Variants in C3orf20 observed in about 807,000 individuals in gnomAD.
The protein encoded by C3orf20 is uncharacterized protein C3orf20.
Under a neutral mutation model 88.3 loss-of-function variants are expected in C3orf20, and 76 were observed. The observed-to-expected ratio is 0.86, with a 90% CI of 0.72 to 1.04. The LOEUF (loss-of-function observed/expected upper bound fraction) is 1.04, where lower values mean the gene tolerates loss of function less well. Ranked by LOEUF, C3orf20 falls within the 50% of genes least tolerant of loss-of-function variation. The pLI is 0.00. For synonymous variants in C3orf20, 436 were observed against 437.4 expected (o/e 1.00, Z 0.04); for missense variants, 1,056 against 1,123.3 (o/e 0.94, Z 0.86).
intron 4 of C3orf20, among the ~76,000 whole-genome samples, chr3:14,688,970 CT>C (rs766980581): frequency 1.2e-4 from 18 of 152,050 alleles, no homozygotes; most frequent in Non-Finnish European, 1.5e-4. Context: ...GGTTTCCAGG[CT>C]TTTTGTTATT....
chr3:14,699,200 A>G (rs1200713667), intron 5 of C3orf20, among the ~76,000 whole-genome samples: 1 of 152,134 alleles, frequency 6.6e-6, no homozygotes, highest in African/African-American at 2.4e-5. Context: ...CTGAGAGCCA[A>G]GGCCTGGAAT....
chr3:14,732,712 A>C (rs1032226271), intron 12 of C3orf20, among the ~76,000 whole-genome samples: 15 of 152,256 alleles, frequency 9.9e-5, no homozygotes, highest in African/African-American at 3.1e-4. Context: ...AAACAGCTCC[A>C]CATTACAAAG....
At chr3:14,691,303 A>C (rs2032719645) in intron 5 of C3orf20, among the ~76,000 whole-genome samples, 1 of 152,140 alleles carries the variant, frequency 6.6e-6, no homozygotes, top group Admixed American at 6.6e-5. Flanking sequence ...ACCCCATTGC[A>C]TGTGCGCCTG....
At chr3:14,718,078 T>G (rs1056008387) in intron 9 of C3orf20, among the ~76,000 whole-genome samples, 2 of 152,162 alleles carry the variant, frequency 1.3e-5, no homozygotes, top group African/African-American at 4.8e-5. Context: ...TAAATTTGTT[T>G]CACCAAATTT....
At chr3:14,696,177 G>T (rs2032990430) in intron 5 of C3orf20, among the ~76,000 whole-genome samples, 1 of 149,164 alleles carries the variant, frequency 6.7e-6, no homozygotes. Flanking sequence ...AGGTTACCAT[G>T]AGGCTTGCAA....
At chr3:14,708,456 G>C (rs897340989) in intron 7 of C3orf20, among the ~76,000 whole-genome samples, 5 of 150,838 alleles carry the variant, frequency 3.3e-5, no homozygotes, top group African/African-American at 1.2e-4. Context: ...AAATAAGGTA[G>C]TGTGAGTCCT....
At chr3:14,753,244 A>G (rs907183940) in intron 12 of C3orf20, among the ~76,000 whole-genome samples, 1 of 152,196 alleles carries the variant, frequency 6.6e-6, no homozygotes, top group Non-Finnish European at 1.5e-5. Context: ...AAAGACAGAA[A>G]ACCAAACACC....
At chr3:14,686,896 A>C (rs900917646) in intron 4 of C3orf20, among the ~76,000 whole-genome samples, 44 of 152,204 alleles carry the variant, frequency 2.9e-4, no homozygotes, top group African/African-American at 1.0e-3. Context: ...ATGGTCAGAG[A>C]TTAAACATCT....
In C3orf20 at chr3:14,761,507, G is replaced by C. The variant is rs199580399; in HGVS notation, c.2387G>C (p.Arg796Pro). The C allele has an allele frequency of 6.2e-7, 1 of 1,614,020 alleles. No homozygotes were observed. The highest frequency in any genetic ancestry group is 1.1e-5 in the South Asian group (1 of 91,070). The change falls in exon 15 of 17, where the codon CGT becomes CCT. Residue 796 changes from arginine (R) to proline (P), a missense_variant. Physicochemically the swap from Arg to Pro is moderately radical, Grantham distance 103. Coordinates refer to ENST00000253697, the MANE Select transcript of C3orf20 (RefSeq NM_032137.5). Reference sequence around the variant, plus strand: ...GGGGGGAAGCTCATTTTTGGGGGCCGTGTTTTGAATGGATATGGCCTCAGC... The same window carrying C: ...GGGGGGAAGCTCATTTTTGGGGGCCCTGTTTTGAATGGATATGGCCTCAGC... ...FAGGKLIFGG[R>P]VLNGYGLSKQ... is the part of the protein sequence containing the mutation.
At chr3:14,687,219 A>G (rs2032482087) in intron 4 of C3orf20, among the ~76,000 whole-genome samples, 2 of 152,206 alleles carry the variant, frequency 1.3e-5, no homozygotes, top group East Asian at 3.8e-4. Flanking sequence ...AAGAAACCAT[A>G]CTGCCTTGAA....
chr3:14,722,883 CCCTACA>C (rs1388866205), intron 10 of C3orf20, among the ~76,000 whole-genome samples: 3 of 152,132 alleles, frequency 2.0e-5, no homozygotes, highest in Non-Finnish European at 4.4e-5. Context: ...AGGACACAGT[CCCTACA>C]CCCTGAGTGT....
Position 14,682,890 on chromosome 3 carries a change from A to G in C3orf20, c.177A>G (p.Ser59=). Reference sequence around the variant, plus strand: ...GGGAAGAGCTCATCAGTGACCCTTCAGTGCCTACCCCGTCCGACATCTTGG... The same window carrying G: ...GGGAAGAGCTCATCAGTGACCCTTCGGTGCCTACCCCGTCCGACATCTTGG... The part of the protein sequence containing the change: ...FTWEELISDP[S]VPTPSDILGL... Residue 59 remains serine (S), a synonymous_variant, in exon 3 of 17, where the codon TCA becomes TCG. Transcript: ENST00000253697. 1 of 1,614,214 alleles carries G rather than the reference A, an allele frequency of 6.2e-7. No homozygotes were observed. The highest frequency in any genetic ancestry group is 8.5e-7 in the Non-Finnish European group (1 of 1,180,026).
intron 5 of C3orf20, among the ~76,000 whole-genome samples, chr3:14,696,302 C>G (rs2032997583): frequency 6.6e-6 from 1 of 150,906 alleles, no homozygotes; most frequent in South Asian, 2.1e-4. Context: ...TTCATCCCCC[C>G]ACATTTTAAC....
At chr3:14,699,865 T>C (rs979405046) in intron 5 of C3orf20, among the ~76,000 whole-genome samples, 4 of 152,178 alleles carry the variant, frequency 2.6e-5, no homozygotes, top group Non-Finnish European at 4.4e-5. Flanking sequence ...AGGCTGCCTT[T>C]CAAGTTTATT....
chr3:14,722,848 A>T (rs889386346), intron 10 of C3orf20, among the ~76,000 whole-genome samples: 1 of 152,196 alleles, frequency 6.6e-6, no homozygotes, highest in Non-Finnish European at 1.5e-5. Flanking sequence ...AGTCAACATC[A>T]GGGAGACAGG....
chr3:14,743,376 A>G (rs984267607), intron 12 of C3orf20, among the ~76,000 whole-genome samples: 4 of 151,962 alleles, frequency 2.6e-5, no homozygotes, highest in African/African-American at 9.7e-5. Context: ...TGCAAGAGGT[A>G]AGTTCCCAGG....
chr3:14,737,495 T>C (rs768821676), intron 12 of C3orf20, among the ~76,000 whole-genome samples: 2 of 152,226 alleles, frequency 1.3e-5, no homozygotes, highest in Non-Finnish European at 2.9e-5. Flanking sequence ...GCAACAGCAT[T>C]ACCTCTAAAA....
intron 7 of C3orf20, among the ~76,000 whole-genome samples, chr3:14,712,743 G>A (rs1378871307): frequency 2.6e-5 from 4 of 152,090 alleles, no homozygotes; most frequent in Non-Finnish European, 5.9e-5. Context: ...CTTTACCAGT[G>A]TTCTTTTTTC....
At position 14,715,137 on chromosome 3, in the gene C3orf20, A is replaced by G. The variant is rs1178259865; in HGVS notation, c.1314-152A>G. ...AGCAGGTGTTAAGGGGCCTCAGACCATAGCAAGTGGGGAAAGTAAGGTTGA... is the reference window on the plus strand; with the variant it reads ...AGCAGGTGTTAAGGGGCCTCAGACCGTAGCAAGTGGGGAAAGTAAGGTTGA... On this transcript the variant is annotated intron_variant, in intron 8 of 16. Coordinates refer to ENST00000253697, the MANE Select transcript of C3orf20 (RefSeq NM_032137.5). 4.3e-6 allele frequency: 4 copies of G among 926,096 alleles called. No homozygotes were observed. The East Asian group carries it at 8.0e-5, about 19-fold the overall frequency. 57.4% of individuals were successfully genotyped at this position (926,096 alleles called of 1,614,324 possible). A position where few individuals can be genotyped will look rare whatever the true frequency, so the allele number is the denominator to read the frequency against.
Sources: allele counts gnomAD v4.1 joint callset (sites outside exome capture counted in the v4.1 genomes callset), GRCh38; gene constraint gnomAD v4.1.1; transcripts MANE v1.5; gene names NCBI Gene and HGNC (gene_info 2026-07-23, HGNC 2026-07-21).